The following LDLRAD4 variants were observed in gnomAD, a reference collection of about 807,000 sequenced individuals.
LDLRAD4 encodes the protein low density lipoprotein receptor class A domain containing 4.
Under a neutral mutation model 17.0 loss-of-function variants are expected in LDLRAD4, and 5 were observed. The observed-to-expected ratio is 0.29, with a 90% CI of 0.15 to 0.62. LDLRAD4 has a LOEUF of 0.62. LDLRAD4 is among the 20% of genes least tolerant of loss of function. The probability of loss-of-function intolerance (pLI) is 0.84; values close to 1 mark genes in which losing one functional copy is unlikely to be tolerated. For missense variants in LDLRAD4, 340 were observed against 424.7 expected (o/e 0.80, Z 1.75); for synonymous variants, 168 against 171.8 (o/e 0.98, Z 0.17).
chr18:13,224,548 C>T (rs1249411075), intron 1 of LDLRAD4, among the ~76,000 whole-genome samples: 17 of 134,084 alleles, frequency 1.3e-4, no homozygotes, highest in Admixed American at 7.8e-4. Context: ...GGCGCAATCT[C>T]GGCCCACTGT....
chr18:13,499,859 CCT>C (rs1434407592), intron 3 of LDLRAD4, among the ~76,000 whole-genome samples: 1 of 152,240 alleles, frequency 6.6e-6, no homozygotes, highest in Non-Finnish European at 1.5e-5. Context: ...CTCCACGCTC[CCT>C]TTCCGTTTTT....
At chr18:13,442,460 C>T (rs1012639783) in intron 3 of LDLRAD4, among the ~76,000 whole-genome samples, 13 of 152,320 alleles carry the variant, frequency 8.5e-5, no homozygotes, top group Non-Finnish European at 1.9e-4. Flanking sequence ...CGTAGGTTGG[C>T]AATGAGGGTG....
At chr18:13,566,746 CTT>C (rs1197493695) in intron 3 of LDLRAD4, among the ~76,000 whole-genome samples, 2 of 152,196 alleles carry the variant, frequency 1.3e-5, no homozygotes, top group African/African-American at 4.8e-5. Context: ...GGCTTTATGT[CTT>C]TATCCTTGAC....
intron 4 of LDLRAD4, among the ~76,000 whole-genome samples, chr18:13,632,324 AGG>A (rs1435385742): frequency 1.3e-5 from 2 of 152,242 alleles, no homozygotes; most frequent in Non-Finnish European, 2.9e-5. Flanking sequence ...AGGGCAAGCC[AGG>A]CACAGAATGG....
intron 2 of LDLRAD4, among the ~76,000 whole-genome samples, chr18:13,422,887 G>A (rs1188706842): frequency 6.6e-6 from 1 of 152,154 alleles, no homozygotes; most frequent in African/African-American, 2.4e-5. Flanking sequence ...GCTCAACCTT[G>A]GTGACATGCT....
chr18:13,567,400 G>T (rs2094618992), intron 3 of LDLRAD4, among the ~76,000 whole-genome samples: 1 of 152,218 alleles, frequency 6.6e-6, no homozygotes, highest in Admixed American at 6.5e-5. Flanking sequence ...CTCGGCTTCA[G>T]TTCCTGAGGC....
chr18:13,362,888 T>C (rs1383169593), intron 1 of LDLRAD4, among the ~76,000 whole-genome samples: 1 of 141,842 alleles, frequency 7.1e-6, no homozygotes, highest in East Asian at 2.0e-4. Flanking sequence ...TTAGAAAACT[T>C]TTTTTTTTTT....
chr18:13,441,800 GA>G (rs2091038687), intron 3 of LDLRAD4, among the ~76,000 whole-genome samples: 1 of 152,198 alleles, frequency 6.6e-6, no homozygotes, highest in Admixed American at 6.5e-5. Context: ...AATGTGTTTG[GA>G]GCCCAGGCTG....
In LDLRAD4 at chr18:13,367,523, C is replaced by A. The variant is rs569602754; in HGVS notation, c.-382-19818C>A. The stretch of plus-strand genomic sequence containing the variant: ...GCACACCAGGCAGCTTCCGTCCAGG[C>A]GGAGAGCCAGGGCCCGGGTGCTGCA... On this transcript the variant is annotated intron_variant, in intron 1 of 5. Coordinates refer to ENST00000359446, the Ensembl canonical transcript of LDLRAD4. This position sits in a 1 kb window ranked among gnomAD's most constrained non-coding sequence, Gnocchi z 4.1. Among the ~76,000 whole-genome samples the A allele has an allele frequency of 6.6e-6, 1 of 152,182 alleles. No homozygotes were observed. Among genetic ancestry groups the A allele is most frequent in the Admixed American group, 6.5e-5 (1 of 15,278 alleles).
At chr18:13,629,666 C>T (rs1488828730) in intron 4 of LDLRAD4, among the ~76,000 whole-genome samples, 2 of 151,416 alleles carry the variant, frequency 1.3e-5, no homozygotes, top group Non-Finnish European at 2.9e-5. Flanking sequence ...TTTTTATCAA[C>T]AAATTTATAG....
At chr18:13,296,936 G>A (rs982338587) in intron 1 of LDLRAD4, among the ~76,000 whole-genome samples, 15 of 152,136 alleles carry the variant, frequency 9.9e-5, no homozygotes, top group African/African-American at 3.4e-4. Flanking sequence ...AGCCACCATG[G>A]ACTCGTTATG....
chr18:13,530,575 T>C (rs925365023), intron 3 of LDLRAD4, among the ~76,000 whole-genome samples: 10 of 152,210 alleles, frequency 6.6e-5, no homozygotes, highest in African/African-American at 2.4e-4. Context: ...GGATAATCTG[T>C]CTCCCAGCAG....
intron 2 of LDLRAD4, among the ~76,000 whole-genome samples, chr18:13,427,807 C>T (rs1256611696): frequency 6.6e-6 from 1 of 152,202 alleles, no homozygotes; most frequent in Non-Finnish European, 1.5e-5. Context: ...TCACAATTTG[C>T]TAATAATATA....
intron 3 of LDLRAD4, among the ~76,000 whole-genome samples, chr18:13,533,785 G>A (rs2094163356): frequency 6.6e-6 from 1 of 152,138 alleles, no homozygotes; most frequent in African/African-American, 2.4e-5. Context: ...ATAAGGTTCT[G>A]CTCTGGGAAT....
At chr18:13,556,724 A>G (rs138118449) in intron 3 of LDLRAD4, among the ~76,000 whole-genome samples, 3 of 152,302 alleles carry the variant, frequency 2.0e-5, no homozygotes, top group East Asian at 1.9e-4. Context: ...GGAAAAGGCC[A>G]TGATGGGGAG....
intron 1 of LDLRAD4, among the ~76,000 whole-genome samples, chr18:13,220,653 G>A (rs1048864785): frequency 1.3e-5 from 2 of 152,236 alleles, no homozygotes; most frequent in African/African-American, 2.4e-5. Context: ...CCTGGCACGC[G>A]GAGAGCAAGG....
chr18:13,245,072 G>A lies in LDLRAD4; in HGVS notation c.-467+26084G>A, dbSNP rs188508969. On this transcript the variant is annotated intron_variant, in intron 1 of 5. Transcript: ENST00000399848. Reference sequence around the variant, plus strand: ...GTCGACTGCACCCTCTGTTTGGTGGGGGGCATGGGTTCCCCTAAGTGGGAG... The same window carrying A: ...GTCGACTGCACCCTCTGTTTGGTGGAGGGCATGGGTTCCCCTAAGTGGGAG... Among the ~76,000 whole-genome samples, 542 of 152,294 alleles carry A rather than the reference G, an allele frequency of 3.6e-3. 5 individuals carry two copies. Among genetic ancestry groups the A allele is most frequent in the African/African-American group, 0.012 (510 of 41,562 alleles).
intron 3 of LDLRAD4, among the ~76,000 whole-genome samples, chr18:13,461,926 G>A (rs2092446888): frequency 6.6e-6 from 1 of 152,228 alleles, no homozygotes; most frequent in Admixed American, 6.5e-5. Context: ...GTGGGAGGGG[G>A]CAGGGTTGCA....
intron 3 of LDLRAD4, among the ~76,000 whole-genome samples, chr18:13,616,917 C>T (rs1479246651): frequency 4.6e-5 from 7 of 152,030 alleles, no homozygotes; most frequent in East Asian, 3.9e-4. Flanking sequence ...CTAGGGTGCC[C>T]GTGAACCCCC....
Sources: allele counts gnomAD v4.1 joint callset (sites outside exome capture counted in the v4.1 genomes callset), GRCh38; gene constraint gnomAD v4.1.1; non-coding constraint Gnocchi (gnomAD v3.1); transcripts MANE v1.5; gene names NCBI Gene and HGNC (gene_info 2026-07-23, HGNC 2026-07-21).